Variants in MYL4 observed in about 807,000 individuals in gnomAD.
MYL4 encodes myosin light chain 4, also known as atrial myosin light chain 1.
MYL4 carries 16 observed loss-of-function variants against 21.6 expected under a neutral mutation model. The observed-to-expected ratio is 0.74, with a 90% confidence interval of 0.50 to 1.12. The LOEUF is 1.12. Among genes scored for constraint, MYL4 ranks in the 50% most tolerant of loss-of-function variants. The pLI is 0.00. For synonymous variants in MYL4, 82 were observed against 95.7 expected, an observed-to-expected ratio of 0.86 and a Z score of 0.83; for missense variants, 249 against 252.9, an observed-to-expected ratio of 0.98 and a Z score of 0.11.
chr17:47,201,423 C>T lies in MYL4; in HGVS notation c.-35+837C>T, dbSNP rs140810396. 3.0e-4 allele frequency among the ~76,000 whole-genome samples: 45 copies of T among 151,786 alleles called. No homozygotes were observed. In the South Asian group the frequency reaches 4.6e-3, roughly 15 times the overall value. ...CTTCTTTCTTCAGTGGTCCATGCAA[C>T]GCCTTTCTTGTTTAATTACTTATTT... On this transcript the variant is annotated intron_variant and NMD_transcript_variant, in intron 1 of 6. Transcript: ENST00000571981.
chr17:47,194,441 C>T, the MYL4 span, among the ~76,000 whole-genome samples: 1 of 152,204 alleles, frequency 6.6e-6, no homozygotes, highest in Non-Finnish European at 1.5e-5. Context: ...GCTCTTCTTG[C>T]ATATGCTGTT....
intron 5 of MYL4, 126 bp from the exon 6 acceptor site, chr17:47,222,888 G>T: frequency 8.4e-7 from 1 of 1,189,358 alleles, no homozygotes. Flanking sequence ...ATAAGAGCAG[G>T]AACTACACAG....
chr17:47,216,250 G>C (rs2064813270), intron 2 of MYL4, among the ~76,000 whole-genome samples: 1 of 151,724 alleles, frequency 6.6e-6, no homozygotes, highest in South Asian at 2.1e-4. Flanking sequence ...AGATTATTGA[G>C]GAAAGGTCTC....
the MYL4 span, among the ~76,000 whole-genome samples, chr17:47,193,166 AC>A: frequency 1.9e-5 from 2 of 107,614 alleles, no homozygotes; most frequent in African/African-American, 7.2e-5. Flanking sequence ...GCACCCCACC[AC>A]CCCCACCCCA....
At chr17:47,208,550 T>TACACACAC (rs55886095), upstream of MYL4, among the ~76,000 whole-genome samples, 1,038 of 145,936 alleles carry the variant, frequency 7.1e-3, 16 homozygotes, top group African/African-American at 0.024. Flanking sequence ...TAGTAAGCAC[T>TACACACAC]ACACACACAC....
chr17:47,197,146 T>A (rs1364290793), upstream of MYL4, among the ~76,000 whole-genome samples: 2 of 144,818 alleles, frequency 1.4e-5, no homozygotes, highest in Non-Finnish European at 3.0e-5. Flanking sequence ...TCGCCCAGGC[T>A]GGAGTGCAGT....
chr17:47,193,692 A>C, the MYL4 span, among the ~76,000 whole-genome samples: 1 of 151,656 alleles, frequency 6.6e-6, no homozygotes, highest in South Asian at 2.1e-4. Context: ...TCTTAGGCAA[A>C]ACTATCCTTT....
chr17:47,225,313 G>C (rs567831176), downstream of MYL4, among the ~76,000 whole-genome samples: 4 of 152,322 alleles, frequency 2.6e-5, no homozygotes, highest in East Asian at 7.7e-4. Flanking sequence ...GTGAGTGACT[G>C]GTTGAAACAC....
chr17:47,201,756 G>A (rs183004262), intron 1 of MYL4, among the ~76,000 whole-genome samples: 8 of 151,976 alleles, frequency 5.3e-5, no homozygotes, highest in Non-Finnish European at 1.0e-4. Context: ...GCACCTGGCC[G>A]GATTACTTAT....
At chr17:47,225,855 CTTTTT>C (rs60342000), downstream of MYL4, among the ~76,000 whole-genome samples, 2 of 113,302 alleles carry the variant, frequency 1.8e-5, no homozygotes, top group Admixed American at 9.4e-5. Context: ...TCCTTCCCTT[CTTTTT>C]TTTTTTTTTT....
At chr17:47,199,152 A>T (rs1226739220), upstream of MYL4, among the ~76,000 whole-genome samples, 2 of 151,862 alleles carry the variant, frequency 1.3e-5, no homozygotes, top group Admixed American at 1.3e-4. Context: ...GAGGCAGGAG[A>T]ATGGTGTGAC....
chr17:47,210,263 C>G (rs2149041376), intron 1 of MYL4, among the ~76,000 whole-genome samples: 1 of 152,260 alleles, frequency 6.6e-6, no homozygotes, highest in South Asian at 2.1e-4. Flanking sequence ...TTTGCCCCAC[C>G]CTGCTCTCCT....
chr17:47,211,525 A>G (rs1482779098), intron 1 of MYL4, among the ~76,000 whole-genome samples: 1 of 152,220 alleles, frequency 6.6e-6, no homozygotes, highest in African/African-American at 2.4e-5. Context: ...CCTGGTTCTT[A>G]AAGCATTGTA....
chr17:47,192,591 G>A, the MYL4 span, among the ~76,000 whole-genome samples: 10 of 151,936 alleles, frequency 6.6e-5, no homozygotes, highest in East Asian at 5.8e-4. Flanking sequence ...CGGAGCTTGC[G>A]GTGAGCTGAG....
intron 6 of MYL4, 91 bp downstream of exon 6, chr17:47,223,148 C>A: frequency 7.3e-7 from 1 of 1,373,094 alleles, no homozygotes; most frequent in Non-Finnish European, 1.0e-6. Flanking sequence ...CTGTCCCAGC[C>A]CTGACCCCTT....
intron 2 of MYL4, among the ~76,000 whole-genome samples, chr17:47,217,584 C>T (rs1432121915): frequency 6.6e-6 from 1 of 152,110 alleles, no homozygotes; most frequent in African/African-American, 2.4e-5. Flanking sequence ...GTTAAGTGAT[C>T]CAAATTAGGA....
upstream of MYL4, among the ~76,000 whole-genome samples, chr17:47,199,066 T>C (rs4347686): frequency 1 from 150,823 of 150,826 alleles, 75,410 homozygotes; most frequent in Middle Eastern, 1. Flanking sequence ...AACCCCGTCT[T>C]TACTAAAAAA....
chr17:47,199,787 A>T (rs1259343291), upstream of MYL4, among the ~76,000 whole-genome samples: 1 of 139,398 alleles, frequency 7.2e-6, no homozygotes, highest in Non-Finnish European at 1.5e-5. Context: ...TCGCGCTGTA[A>T]AGCAGTGGCG....
chr17:47,191,080 A>G, the MYL4 span, among the ~76,000 whole-genome samples: 1 of 152,252 alleles, frequency 6.6e-6, no homozygotes, highest in South Asian at 2.1e-4. Flanking sequence ...GTGGTTGACA[A>G]CAAAGTGCGC....
Sources: gnomAD v4.1 joint callset for allele counts (sites outside exome capture counted in the v4.1 genomes callset) on GRCh38, gnomAD v4.1.1 for gene constraint, MANE v1.5 for transcripts, NCBI Gene and HGNC (gene_info 2026-07-23, HGNC 2026-07-21) for gene names.